Variants in OSCAR observed in about 807,000 individuals in gnomAD.
OSCAR encodes the protein osteoclast-associated immunoglobulin-like receptor.
Under a neutral mutation model 27.3 loss-of-function variants are expected in OSCAR, and 25 were observed. The ratio of observed to expected loss-of-function variants is 0.92; its 90% CI spans 0.67 to 1.28. The LOEUF (loss-of-function observed/expected upper bound fraction) is 1.28, where lower values mean the gene tolerates loss of function less well. Among genes scored for constraint, OSCAR ranks in the 50% most tolerant of loss-of-function variants. OSCAR has a pLI of 0.00. For synonymous variants in OSCAR, 158 were observed against 165.7 expected (o/e 0.95, Z 0.36); for missense variants, 354 against 355.1 (o/e 1.00, Z 0.03).
chr19:54,100,054 C>A (rs1402002102), intron 1 of OSCAR, among the ~76,000 whole-genome samples: 16 of 152,110 alleles, frequency 1.1e-4, no homozygotes, highest in Non-Finnish European at 2.4e-4. Context: ...TCAGGTGATC[C>A]ACCCGCCTCG....
chr19:54,098,047 T>G (rs1032131889), intron 2 of OSCAR, among the ~76,000 whole-genome samples: 8 of 152,120 alleles, frequency 5.3e-5, no homozygotes, highest in African/African-American at 1.9e-4. Context: ...AAAGACCCTG[T>G]GTTTCTTTTT....
chr19:54,099,097 C>T (rs1256501136), intron 2 of OSCAR, among the ~76,000 whole-genome samples: 2 of 151,738 alleles, frequency 1.3e-5, no homozygotes, highest in African/African-American at 2.4e-5. Context: ...GAGTCTTGCA[C>T]TGTCACCCAG....
rs1386735418 is a variant in OSCAR at position 54,097,035 on chromosome 19, G to A, written c.200C>T (p.Pro67Leu). 6.2e-7 allele frequency: 1 copy of A among 1,614,178 alleles called. No individual in the cohort carries two copies. Among genetic ancestry groups the A allele is most frequent in the South Asian group, 1.1e-5 (1 of 91,090 alleles). The change falls in exon 3 of 5, where the codon CCT becomes CTT. Residue 67 changes from proline (P) to leucine (L), a missense_variant. Coordinates refer to ENST00000358375, the MANE Select transcript of OSCAR (RefSeq NM_133169.6). Reference protein sequence around the residue: ...QPAWRFGLFKPGEIAPLLFRD... With the variant: ...QPAWRFGLFKLGEIAPLLFRD... Reference sequence around the variant, plus strand: ...GAAGAGAAGGGGAGCGATCTCTCCAGGCTTGAAAAGTCCAAATCTCCAAGC... The same window carrying A: ...GAAGAGAAGGGGAGCGATCTCTCCAAGCTTGAAAAGTCCAAATCTCCAAGC...
chr19:54,098,463 G>A (rs2072864442), intron 2 of OSCAR, among the ~76,000 whole-genome samples: 2 of 152,124 alleles, frequency 1.3e-5, no homozygotes, highest in Non-Finnish European at 2.9e-5. Context: ...TGTTTGGGAT[G>A]CTGAGTAGGA....
chr19:54,099,683 A>G, intron 2 of OSCAR, 65 bp downstream of exon 2: 1 of 1,613,892 alleles, frequency 6.2e-7, no homozygotes, highest in South Asian at 1.1e-5. Context: ...GCACCAAAAT[A>G]AAATCTGAGT....
In OSCAR at chr19:54,095,755, G is replaced by C. The variant is rs1023232144; in HGVS notation, c.655+117C>G. On this transcript the variant is annotated intron_variant, in intron 4 of 4. Coordinates refer to ENST00000358375, the MANE Select transcript of OSCAR (RefSeq NM_133169.6). ...TGAGGGAGGAGGGGCTGCAGGACTA[G>C]ACCCCTGGGTCTGAAGGAGGAGAGG... The C allele has an allele frequency of 2.1e-5, 31 of 1,477,788 alleles. No individual in the cohort carries two copies. In the South Asian group the frequency reaches 2.2e-4, roughly 11 times the overall value. 91.5% of individuals were successfully genotyped at this position (1,477,788 alleles called of 1,614,324 possible).
chr19:54,099,158 G>T (rs996282161), intron 2 of OSCAR, among the ~76,000 whole-genome samples: 1 of 148,788 alleles, frequency 6.7e-6, no homozygotes, highest in African/African-American at 2.5e-5. Context: ...TGCCTCCTGG[G>T]TTCAAGCGAT....
Position 54,096,011 on chromosome 19 carries a change from G to A in OSCAR, c.516C>T (p.Tyr172=). The change falls in exon 4 of 5, where the codon TAC becomes TAT. Residue 172 remains tyrosine, a synonymous_variant. Transcript: ENST00000358375. ...YREGVAAPLQ[Y]RHSAQPWADF... ...CGGCCCAGGGCTGCGCGGAGTGGCG[G>A]TACTGCAGCGGGGCCGCCACGCCCT... The A allele has an allele frequency of 6.3e-7, 1 of 1,576,948 alleles. No individual in the cohort carries two copies. The highest frequency in any genetic ancestry group is 8.6e-7 in the Non-Finnish European group (1 of 1,163,400).
chr19:54,099,228 A>ACTTTTTTT (rs2072909578), intron 2 of OSCAR, among the ~76,000 whole-genome samples: 1 of 41,936 alleles, frequency 2.4e-5, no homozygotes, highest in Admixed American at 2.8e-4. Flanking sequence ...ACACCCGGCT[A>ACTTTTTTT]ATTTTTTTTT....
intron 2 of OSCAR, among the ~76,000 whole-genome samples, chr19:54,099,096 A>T (rs1325493952): frequency 6.6e-6 from 1 of 151,218 alleles, no homozygotes; most frequent in Non-Finnish European, 1.5e-5. Flanking sequence ...GGAGTCTTGC[A>T]CTGTCACCCA....
chr19:54,099,150 C>T (rs587604263), intron 2 of OSCAR, among the ~76,000 whole-genome samples: 1 of 150,970 alleles, frequency 6.6e-6, no homozygotes, highest in Admixed American at 6.6e-5. Context: ...GCAACCTCTG[C>T]CTCCTGGGTT....
chr19:54,100,695 T>C, intron 1 of OSCAR, 61 bp downstream of exon 1: 4 of 1,509,182 alleles, frequency 2.7e-6, no homozygotes, highest in Non-Finnish European at 3.6e-6. Flanking sequence ...GGGTCTCCAT[T>C]GCCTCTCTCT....
chr19:54,097,684 T>A (rs1424621385), intron 2 of OSCAR, among the ~76,000 whole-genome samples: 3 of 146,600 alleles, frequency 2.0e-5, no homozygotes, highest in Admixed American at 7.1e-5. Context: ...AGCCTCAATC[T>A]CTTGGGCTCA....
At chr19:54,099,283 A>G (rs1388960847) in intron 2 of OSCAR, among the ~76,000 whole-genome samples, 3 of 130,284 alleles carry the variant, frequency 2.3e-5, no homozygotes, top group Non-Finnish European at 4.7e-5. Flanking sequence ...CACATTAGCC[A>G]GGATGATCTC....
At chr19:54,096,272 CTCTT>C (rs1178097778) in intron 3 of OSCAR, 119 bp from the exon 4 acceptor site, 24 of 904,750 alleles carry the variant, frequency 2.7e-5, no homozygotes, top group Non-Finnish European at 3.5e-5. Flanking sequence ...CTTTCTGCCT[CTCTT>C]TCTCTCTGCC....
At chr19:54,096,195 T>C (rs2072682375) in intron 3 of OSCAR, 42 bp from the exon 4 acceptor site, 1 of 1,439,522 alleles carries the variant, frequency 6.9e-7, no homozygotes, top group Non-Finnish European at 9.1e-7. Flanking sequence ...GTGAGCGTCT[T>C]CCGCTCGCTC....
In OSCAR at chr19:54,096,909, G is replaced by A. The variant is rs781434816; in HGVS notation, c.326C>T (p.Pro109Leu). 6.2e-7 allele frequency: 1 copy of A among 1,614,024 alleles called. No homozygotes were observed. Among genetic ancestry groups the A allele is most frequent in the Non-Finnish European group, 8.5e-7 (1 of 1,179,978 alleles). The stretch of plus-strand genomic sequence containing the variant: ...ATCGCTGGGCTGGGACCAGACACCC[G>A]GCCCCCAGTCTGGCCTTCGGTAGCA... ...RCCYRRPDWG[P>L]GVWSQPSDVL... is the part of the protein sequence containing the mutation. The change falls in exon 3 of 5, where the codon CCG becomes CTG. Residue 109 changes from proline to leucine, a missense_variant. Pro to Leu is a moderately conservative substitution (Grantham distance 98, BLOSUM62 -3). Transcript: ENST00000358375.
At position 54,096,210 on chromosome 19, in the gene OSCAR, GCT is replaced by G. The variant is rs2072684989; in HGVS notation, c.374-59_374-58del. On this transcript the variant is annotated intron_variant, in intron 3 of 4. Transcript: ENST00000358375. ...GTGAGCGTCTTCCGCTCGCTCGCTCGCTCTGTTTCTCCTTCTCCTCTGTCTCT... is the reference window on the plus strand; with the variant it reads ...GTGAGCGTCTTCCGCTCGCTCGCTCGCTGTTTCTCCTTCTCCTCTGTCTCT... 2.9e-6 allele frequency: 4 copies of G among 1,386,654 alleles called. No individual in the cohort carries two copies. In the South Asian group the frequency reaches 4.3e-5, roughly 15 times the overall value. 85.9% of individuals were successfully genotyped at this position (1,386,654 alleles called of 1,614,324 possible). A position where few individuals can be genotyped will look rare whatever the true frequency, so the allele number is the denominator to read the frequency against.
chr19:54,095,956 C>A lies in OSCAR; in HGVS notation c.571G>T (p.Gly191Cys), dbSNP rs754294166. 6.3e-7 allele frequency: 1 copy of A among 1,590,420 alleles called. No homozygotes were observed. The highest frequency in any genetic ancestry group is 1.1e-5 in the South Asian group (1 of 87,578). ...DFTLLGARAP[G>C]TYSCYYHTPS... ...GTGTGATAGTAGCAGCTGTAGGTGC[C>A]GGGGGCGCGGGCGCCCAGCAGCGTG... Residue 191 changes from glycine (G) to cysteine (C), a missense_variant, in exon 4 of 5, where the codon GGC becomes TGC. Coordinates refer to ENST00000358375, the MANE Select transcript of OSCAR (RefSeq NM_133169.6).
Sources: allele counts gnomAD v4.1 joint callset (sites outside exome capture counted in the v4.1 genomes callset), GRCh38; gene constraint gnomAD v4.1.1; transcripts MANE v1.5; gene names NCBI Gene and HGNC (gene_info 2026-07-23, HGNC 2026-07-21).